TANC2: variants seen among roughly 807,000 people sequenced by gnomAD.
The protein encoded by TANC2 is tetratricopeptide repeat, ankyrin repeat and coiled-coil containing 2.
A neutral mutation model predicts 210.5 loss-of-function variants in TANC2; 26 were observed. That is an observed-to-expected ratio of 0.12 (90% CI 0.09 to 0.17). TANC2 has a LOEUF of 0.17. Ranked by LOEUF, TANC2 falls within the 10% of genes least tolerant of loss-of-function variation. The probability of loss-of-function intolerance (pLI) is 1.00; values close to 1 mark genes in which losing one functional copy is unlikely to be tolerated. For missense variants in TANC2, 2,129 were observed against 2,608.9 expected (o/e 0.82, Z 4.01); for synonymous variants, 931 against 967.1 (o/e 0.96, Z 0.69).
intron 5 of TANC2, among the ~76,000 whole-genome samples, chr17:63,183,720 T>TA (rs1335421985): frequency 6.6e-6 from 1 of 152,142 alleles, no homozygotes; most frequent in Non-Finnish European, 1.5e-5. Context: ...ATTTGTTTTT[T>TA]AAAAAAAGAA....
At chr17:63,353,860 G>T (rs1053783202) in intron 13 of TANC2, among the ~76,000 whole-genome samples, 123 of 152,134 alleles carry the variant, frequency 8.1e-4, no homozygotes, top group African/African-American at 2.9e-3. Flanking sequence ...CTTTATTATC[G>T]GATTTGGCAA....
chr17:63,141,380 A>AT (rs2145313777), intron 4 of TANC2, among the ~76,000 whole-genome samples: 1 of 6,304 alleles, frequency 1.6e-4, no homozygotes, highest in South Asian at 6.0e-3. Flanking sequence ...CGTTTCTACT[A>AT]AAAAAAAAAA....
chr17:63,243,834 A>T (rs1195095319), intron 8 of TANC2, among the ~76,000 whole-genome samples: 2 of 152,204 alleles, frequency 1.3e-5, no homozygotes, highest in African/African-American at 4.8e-5. Context: ...AGTTCCATCA[A>T]GTTCAAGACA....
chr17:63,282,064 A>C (rs1217932586), intron 9 of TANC2, among the ~76,000 whole-genome samples: 4 of 152,138 alleles, frequency 2.6e-5, no homozygotes, highest in Non-Finnish European at 4.4e-5. Context: ...AGCCCTAAGA[A>C]ATTAATACAC....
intron 4 of TANC2, among the ~76,000 whole-genome samples, chr17:63,116,778 A>T (rs547887905): frequency 6.6e-6 from 1 of 152,360 alleles, no homozygotes; most frequent in African/African-American, 2.4e-5. Context: ...ATTTTCTGCT[A>T]TCTCAAACTC....
At chr17:63,126,181 A>G (rs1361333843) in intron 4 of TANC2, among the ~76,000 whole-genome samples, 1 of 152,126 alleles carries the variant, frequency 6.6e-6, no homozygotes, top group African/African-American at 2.4e-5. Context: ...GAGAGAGAGT[A>G]TTTGTCCTTT....
intron 3 of TANC2, 103 bp from the exon 4 acceptor site, chr17:63,099,072 C>T (rs1168322788): frequency 1.7e-6 from 2 of 1,173,412 alleles, no homozygotes; most frequent in Non-Finnish European, 2.5e-6. Context: ...TGATTTTTCA[C>T]AGTGAAAATA....
intron 5 of TANC2, among the ~76,000 whole-genome samples, chr17:63,163,682 A>G (rs937024906): frequency 2.0e-5 from 3 of 152,240 alleles, no homozygotes; most frequent in Non-Finnish European, 2.9e-5. Context: ...AGTAGTAGGC[A>G]TTGGTCTGAA....
At chr17:63,369,727 T>A (rs1225259290) in intron 14 of TANC2, among the ~76,000 whole-genome samples, 1 of 151,688 alleles carries the variant, frequency 6.6e-6, no homozygotes, top group Non-Finnish European at 1.5e-5. Context: ...CTAATTTTTG[T>A]GAGTAGCTGG....
At chr17:63,095,552 G>T (rs1292112440) in intron 3 of TANC2, among the ~76,000 whole-genome samples, 7 of 152,076 alleles carry the variant, frequency 4.6e-5, no homozygotes, top group Non-Finnish European at 8.8e-5. Flanking sequence ...AGCATGCTAT[G>T]TCTGTTCACT....
intron 6 of TANC2, among the ~76,000 whole-genome samples, chr17:63,199,953 A>G (rs1020761999): frequency 6.6e-6 from 1 of 152,190 alleles, no homozygotes; most frequent in Non-Finnish European, 1.5e-5. Context: ...TTTTCTCTGC[A>G]TTCATGTATT....
exon 19 of TANC2, chr17:63,398,903 G>T: frequency 6.3e-7 from 1 of 1,591,874 alleles, no homozygotes; most frequent in South Asian, 1.2e-5. Context: ...GACAGTCTCT[G>T]GGGAGAGACA....
intron 5 of TANC2, chr17:63,154,842 C>G (rs1334874626): frequency 6.6e-6 from 1 of 152,052 alleles, no homozygotes; most frequent in Non-Finnish European, 1.5e-5. Context: ...TGTCACTTAA[C>G]TTTTCCATTC....
chr17:63,358,376 A>AGAGAGAGTGTGTGTGTGTGT (rs1470682571), intron 14 of TANC2, among the ~76,000 whole-genome samples: 27 of 81,042 alleles, frequency 3.3e-4, no homozygotes, highest in African/African-American at 9.2e-4. Context: ...AGAGAGAGAG[A>AGAGAGAGTGTGTGTGTGTGT]GTATGTGTGT....
intron 2 of TANC2, among the ~76,000 whole-genome samples, chr17:63,067,157 T>C (rs1378189130): frequency 2.0e-5 from 3 of 152,232 alleles, no homozygotes; most frequent in Admixed American, 1.3e-4. Context: ...ACATTCATAA[T>C]GTCCGGATGC....
At chr17:63,404,338 T>C (rs1452209153) in intron 19 of TANC2, among the ~76,000 whole-genome samples, 1 of 152,208 alleles carries the variant, frequency 6.6e-6, no homozygotes, top group Non-Finnish European at 1.5e-5. Flanking sequence ...AAAATAGGCG[T>C]TCGTAAAATC....
chr17:63,398,852 A>G, exon 19 of TANC2: 1 of 1,595,138 alleles, frequency 6.3e-7, no homozygotes, highest in Non-Finnish European at 8.5e-7. Flanking sequence ...CTTCCAGAAA[A>G]AGATGAAGAG....
chr17:63,234,205 C>T (rs532811314), intron 7 of TANC2, among the ~76,000 whole-genome samples: 2 of 152,220 alleles, frequency 1.3e-5, no homozygotes, highest in South Asian at 4.1e-4. Flanking sequence ...AATATAAAGC[C>T]TTTTCCACAT....
At chr17:63,233,907 G>A (rs2042548824) in intron 7 of TANC2, among the ~76,000 whole-genome samples, 1 of 152,338 alleles carries the variant, frequency 6.6e-6, no homozygotes, top group Non-Finnish European at 1.5e-5. Flanking sequence ...GTCTGGGTTA[G>A]ATTTCTGTCT....
Sources: gnomAD v4.1 joint callset for allele counts (sites outside exome capture counted in the v4.1 genomes callset) on GRCh38, gnomAD v4.1.1 for gene constraint, MANE v1.5 for transcripts, NCBI Gene and HGNC (gene_info 2026-07-23, HGNC 2026-07-21) for gene names.